Variants in AGBL4 observed in about 807,000 individuals in gnomAD.
AGBL4 encodes cytosolic carboxypeptidase 6.
A neutral mutation model predicts 66.4 loss-of-function variants in AGBL4; 58 were observed. The ratio of observed to expected loss-of-function variants is 0.87; its 90% CI spans 0.71 to 1.09. AGBL4 has a LOEUF of 1.09. AGBL4 is among the 50% of genes least tolerant of loss of function. The pLI, the probability that AGBL4 is intolerant of heterozygous loss-of-function variation, is 0.00. For missense variants in AGBL4, 579 were observed against 631.0 expected (o/e 0.92, Z 0.88); for synonymous variants, 234 against 222.9 (o/e 1.05, Z -0.44).
intron 1 of AGBL4, among the ~76,000 whole-genome samples, chr1:49,970,708 AACACACACACACACAC>A (rs373722460): frequency 6.1e-5 from 7 of 114,014 alleles, no homozygotes; most frequent in African/African-American, 1.3e-4. Flanking sequence ...AAAAAAACAA[AACACACACACACACAC>A]ACACACACAC....
chr1:49,124,467 C>T (rs1443763973), intron 4 of AGBL4, among the ~76,000 whole-genome samples: 1 of 152,152 alleles, frequency 6.6e-6, no homozygotes, highest in Non-Finnish European at 1.5e-5. Flanking sequence ...CACGAGCATG[C>T]TACATTTGCC....
Position 48,599,292 on chromosome 1 carries a change from A to G in AGBL4, c.952-8307T>C, listed in dbSNP as rs183106819. On this transcript the variant is annotated intron_variant, in intron 9 of 13. Transcript: ENST00000371839. The stretch of plus-strand genomic sequence containing the variant: ...AGTATAGAAAATACATAAACCAGTA[A>G]CATAGTTACGTATTATTATTAAGTG... Among the ~76,000 whole-genome samples, 184 of 152,376 alleles carry G rather than the reference A, an allele frequency of 1.2e-3. 1 individual carries two copies. The highest frequency in any genetic ancestry group is 1.5e-3 in the Non-Finnish European group (103 of 68,032).
At chr1:48,865,265 T>A (rs1374838458) in intron 6 of AGBL4, among the ~76,000 whole-genome samples, 1 of 152,156 alleles carries the variant, frequency 6.6e-6, no homozygotes, top group Admixed American at 6.5e-5. Flanking sequence ...GATAATAGCA[T>A]GATCCAATGG....
At chr1:49,353,758 G>A (rs151337781) in intron 3 of AGBL4, among the ~76,000 whole-genome samples, 35 of 152,188 alleles carry the variant, frequency 2.3e-4, no homozygotes, top group African/African-American at 7.5e-4. Flanking sequence ...GCGGCAGAGC[G>A]GCACAGCAGA....
intron 3 of AGBL4, among the ~76,000 whole-genome samples, chr1:49,673,085 C>T (rs1438992802): frequency 6.6e-6 from 1 of 152,112 alleles, no homozygotes; most frequent in Admixed American, 6.5e-5. Context: ...TGACCCCACA[C>T]ATGAAACTAA....
At position 50,023,876 on chromosome 1, in the gene AGBL4, A is replaced by G; in HGVS notation, c.-80T>C. The G allele has an allele frequency of 1.4e-6, 2 of 1,466,186 alleles. No homozygotes were observed. Among genetic ancestry groups the G allele is most frequent in the Non-Finnish European group, 1.8e-6 (2 of 1,091,320 alleles). 90.8% of individuals were successfully genotyped at this position (1,466,186 alleles called of 1,614,324 possible). A position where few individuals can be genotyped will look rare whatever the true frequency, so the allele number is the denominator to read the frequency against. On this transcript the variant is annotated 5_prime_UTR_variant, in exon 1 of 14. Transcript: ENST00000371839. ...CGGGTGGTGGGATCAGTGGGCTGAC[A>G]GGAGCTACCTCAGGAAGACGCGGCA...
At chr1:49,186,710 A>G (rs1647022202) in intron 4 of AGBL4, among the ~76,000 whole-genome samples, 3 of 152,242 alleles carry the variant, frequency 2.0e-5, no homozygotes, top group African/African-American at 7.2e-5. Context: ...TTCTTGAAGG[A>G]CAAACATTTT....
chr1:49,750,920 T>C (rs1264477631), intron 2 of AGBL4, among the ~76,000 whole-genome samples: 4 of 152,200 alleles, frequency 2.6e-5, no homozygotes, highest in African/African-American at 9.6e-5. Context: ...AATGATGCGA[T>C]TTTTGCACAT....
chr1:49,862,365 A>C (rs956372634), intron 1 of AGBL4, among the ~76,000 whole-genome samples: 2 of 151,672 alleles, frequency 1.3e-5, no homozygotes, highest in Non-Finnish European at 2.9e-5. Flanking sequence ...AAAAAAAAAA[A>C]ACAATGAAGC....
At chr1:49,947,492 TC>T (rs777626692) in intron 1 of AGBL4, among the ~76,000 whole-genome samples, 4 of 151,872 alleles carry the variant, frequency 2.6e-5, no homozygotes, top group Non-Finnish European at 5.9e-5. Flanking sequence ...AAATCCAGCA[TC>T]CCTTTATGAT....
At chr1:49,898,995 G>T (rs1241881580) in intron 1 of AGBL4, among the ~76,000 whole-genome samples, 2 of 152,156 alleles carry the variant, frequency 1.3e-5, no homozygotes, top group East Asian at 3.9e-4. Flanking sequence ...TGGATGTGAA[G>T]AGGAAGTGGG....
At chr1:48,544,302 T>C (rs1007357617) in intron 11 of AGBL4, among the ~76,000 whole-genome samples, 5 of 152,222 alleles carry the variant, frequency 3.3e-5, no homozygotes, top group African/African-American at 1.2e-4. Flanking sequence ...ATGGTGGTTG[T>C]GTGCGCCAGC....
chr1:49,083,929 T>A (rs1435652951), intron 4 of AGBL4, among the ~76,000 whole-genome samples: 2 of 152,174 alleles, frequency 1.3e-5, no homozygotes, highest in East Asian at 1.9e-4. Flanking sequence ...TCTCTCAAGT[T>A]CAAAGTTCCA....
intron 3 of AGBL4, among the ~76,000 whole-genome samples, chr1:49,495,186 G>A (rs1249514504): frequency 6.6e-6 from 1 of 151,950 alleles, no homozygotes; most frequent in Non-Finnish European, 1.5e-5. Context: ...ATGGTACCTG[G>A]AATCATATAA....
At chr1:49,203,315 G>T (rs1003086475) in intron 4 of AGBL4, among the ~76,000 whole-genome samples, 4 of 152,078 alleles carry the variant, frequency 2.6e-5, no homozygotes, top group African/African-American at 9.7e-5. Context: ...AGAAATATTT[G>T]TATACCACAT....
chr1:48,681,012 C>T (rs1367935224), intron 6 of AGBL4, among the ~76,000 whole-genome samples: 1 of 152,122 alleles, frequency 6.6e-6, no homozygotes, highest in Non-Finnish European at 1.5e-5. Flanking sequence ...ACTCCAGACC[C>T]ACTGAATTAG....
intron 2 of AGBL4, among the ~76,000 whole-genome samples, chr1:49,832,651 A>G (rs1201332607): frequency 1.3e-5 from 2 of 150,992 alleles, no homozygotes; most frequent in Non-Finnish European, 3.0e-5. Flanking sequence ...CATCCTCTCC[A>G]GCACCTGTTG....
chr1:49,289,354 G>A (rs1201059996), intron 3 of AGBL4, among the ~76,000 whole-genome samples: 2 of 152,138 alleles, frequency 1.3e-5, no homozygotes, highest in Non-Finnish European at 2.9e-5. Context: ...AAATATTCAT[G>A]ATTGTCAGAA....
intron 5 of AGBL4, among the ~76,000 whole-genome samples, chr1:48,950,142 G>T (rs1244170727): frequency 6.6e-6 from 1 of 152,094 alleles, no homozygotes; most frequent in East Asian, 1.9e-4. Context: ...TGTCACTCAG[G>T]CTGGAGTGCA....
Sources: allele counts gnomAD v4.1 joint callset (sites outside exome capture counted in the v4.1 genomes callset), GRCh38; gene constraint gnomAD v4.1.1; transcripts MANE v1.5; gene names NCBI Gene and HGNC (gene_info 2026-07-23, HGNC 2026-07-21).